Variants in STAU1 observed in about 807,000 individuals in gnomAD.
STAU1 encodes double-stranded RNA-binding protein Staufen homolog 1.
A neutral mutation model predicts 62.9 loss-of-function variants in STAU1; 13 were observed. The observed-to-expected ratio is 0.21, with a 90% CI of 0.13 to 0.33. The LOEUF (loss-of-function observed/expected upper bound fraction) is 0.33. Ranked by LOEUF, STAU1 falls within the 10% of genes least tolerant of loss-of-function variation. The probability of loss-of-function intolerance (pLI) is 1.00; values close to 1 mark genes in which losing one functional copy is unlikely to be tolerated. For missense variants in STAU1, 571 were observed against 712.1 expected (o/e 0.80, Z 2.25); for synonymous variants, 269 against 265.1 (o/e 1.01, Z -0.14).
intron 1 of STAU1, among the ~76,000 whole-genome samples, chr20:49,175,545 T>G (rs1475331279): frequency 1.3e-5 from 2 of 152,094 alleles, no homozygotes; most frequent in African/African-American, 2.4e-5. Flanking sequence ...AGTGGCGTGA[T>G]GTCGGCTCCC....
intron 6 of STAU1, among the ~76,000 whole-genome samples, chr20:49,129,268 C>CT (rs2092698569): frequency 7.3e-6 from 1 of 136,078 alleles, no homozygotes; most frequent in Non-Finnish European, 1.5e-5. Flanking sequence ...GCTAGAATGA[C>CT]TTTAAAAAAA....
At chr20:49,206,751 A>ATATATATTTTTT in the STAU1 span, among the ~76,000 whole-genome samples, 2 of 95,040 alleles carry the variant, frequency 2.1e-5, no homozygotes, top group African/African-American at 4.3e-5. Flanking sequence ...ATATATATAT[A>ATATATATTTTTT]TTTTATTTTA....
intron 8 of STAU1, among the ~76,000 whole-genome samples, chr20:49,121,093 T>C (rs767364907): frequency 4.0e-5 from 6 of 151,580 alleles, no homozygotes; most frequent in Non-Finnish European, 8.8e-5. Context: ...TACTTTCATC[T>C]TACCTATTAA....
chr20:49,151,731 G>A lies in STAU1; in HGVS notation c.361C>T (p.Pro121Ser). 6.2e-7 allele frequency: 1 copy of A among 1,610,652 alleles called. No individual in the cohort carries two copies. Among genetic ancestry groups the A allele is most frequent in the East Asian group, 2.2e-5 (1 of 44,652 alleles). ...AYPPRYFYPFPVPPLLYQVEL... is the reference protein window; with the variant it reads ...AYPPRYFYPFSVPPLLYQVEL... ...ACTTGATAAAGTAAAGGTGGAACTGGAAATGGGTAAAAGTACCTAGAAATA... is the reference window on the plus strand; with the variant it reads ...ACTTGATAAAGTAAAGGTGGAACTGAAAATGGGTAAAAGTACCTAGAAATA... The change falls in exon 5 of 14, where the codon CCA becomes TCA. Residue 121 changes from proline (P) to serine (S), a missense_variant. Pro to Ser is a moderately conservative substitution (Grantham distance 74). Transcript: ENST00000371856.
chr20:49,164,507 T>A (rs987595083), intron 3 of STAU1, among the ~76,000 whole-genome samples: 1 of 150,802 alleles, frequency 6.6e-6, no homozygotes, highest in Non-Finnish European at 1.5e-5. Flanking sequence ...CCCAGGCTGG[T>A]CTCCAACTCC....
the STAU1 span, among the ~76,000 whole-genome samples, chr20:49,209,624 A>G: frequency 6.6e-6 from 1 of 152,052 alleles, no homozygotes; most frequent in Non-Finnish European, 1.5e-5. Flanking sequence ...GATGCCTGTA[A>G]TCCTAGCTAC....
the STAU1 span, among the ~76,000 whole-genome samples, chr20:49,202,486 C>T: frequency 1.3e-5 from 2 of 151,562 alleles, no homozygotes; most frequent in Admixed American, 1.3e-4. Flanking sequence ...CTTGCTTGAA[C>T]CCAGGAGGTG....
intron 1 of STAU1, among the ~76,000 whole-genome samples, chr20:49,185,169 C>T (rs1180979382): frequency 6.6e-6 from 1 of 152,118 alleles, no homozygotes; most frequent in Non-Finnish European, 1.5e-5. Context: ...AATTCTTAAC[C>T]TAAGGTAACA....
At chr20:49,164,504 T>C (rs995051808) in intron 3 of STAU1, among the ~76,000 whole-genome samples, 1 of 151,774 alleles carries the variant, frequency 6.6e-6, no homozygotes, top group Non-Finnish European at 1.5e-5. Context: ...TTGCCCAGGC[T>C]GGTCTCCAAC....
intron 7 of STAU1, 22 bp from the exon 8 acceptor site, chr20:49,123,257 A>T (rs1360768416): frequency 1.9e-6 from 3 of 1,614,080 alleles, no homozygotes. Context: ...ACAAGGCAGA[A>T]ACTCTGTAAT....
chr20:49,116,984 G>A (rs2092342977), intron 12 of STAU1, 142 bp downstream of exon 12: 1 of 1,087,076 alleles, frequency 9.2e-7, no homozygotes, highest in South Asian at 1.6e-5. Context: ...TCAAAAATAT[G>A]AACACTATCA....
intron 6 of STAU1, among the ~76,000 whole-genome samples, chr20:49,126,588 C>CCAAAAAAAAAACAA (rs71337491): frequency 1.8e-5 from 1 of 56,348 alleles, no homozygotes; most frequent in Non-Finnish European, 3.7e-5. Flanking sequence ...AAAAAAAAAA[C>CCAAAAAAAAAACAA]AAAAAAAAAA....
chr20:49,139,156 A>G (rs2092953837), intron 5 of STAU1, among the ~76,000 whole-genome samples: 1 of 152,226 alleles, frequency 6.6e-6, no homozygotes, highest in African/African-American at 2.4e-5. Flanking sequence ...AACATAGGGG[A>G]AAAGTGTTAT....
At chr20:49,143,722 A>G (rs1182347597) in intron 5 of STAU1, among the ~76,000 whole-genome samples, 5 of 152,240 alleles carry the variant, frequency 3.3e-5, no homozygotes, top group African/African-American at 1.2e-4. Flanking sequence ...TTCTATATCT[A>G]AAGTCATTTT....
chr20:49,164,787 A>G (rs2093501038), intron 3 of STAU1, among the ~76,000 whole-genome samples: 1 of 152,098 alleles, frequency 6.6e-6, no homozygotes, highest in East Asian at 1.9e-4. Flanking sequence ...TAAGAAAGGA[A>G]AGAAGAGAAA....
At chr20:49,123,325 G>C in intron 7 of STAU1, 90 bp from the exon 8 acceptor site, 1 of 1,575,622 alleles carries the variant, frequency 6.3e-7, no homozygotes, top group Non-Finnish European at 8.7e-7. Context: ...GGAGATAAGA[G>C]ATTTTGGGTT....
chr20:49,181,766 CAAAAAAAAAA>C (rs758956478), intron 1 of STAU1, among the ~76,000 whole-genome samples: 2 of 24,566 alleles, frequency 8.1e-5, no homozygotes, highest in South Asian at 1.2e-3. Flanking sequence ...ACTATCTCAA[CAAAAAAAAAA>C]AAAAAAAAAA....
At position 49,134,927 on chromosome 20, in the gene STAU1, G is replaced by A. The variant is rs143644584; in HGVS notation, c.609+906C>T. 6.7e-4 allele frequency: 1,075 copies of A among 1,596,544 alleles called. 5 individuals carry two copies. The African/African-American group carries it at 0.012, about 18-fold the overall frequency. ...ACTGAGACTTTGTGAGGAAGTTTTC[G>A]ACCCTAAGAATGATAAACCCAGCAC... is the stretch of plus-strand genomic sequence containing the variant. On this transcript the variant is annotated intron_variant, in intron 6 of 13. Coordinates refer to ENST00000371856, the MANE Select transcript of STAU1 (RefSeq NM_017453.4).
chr20:49,173,233 G>C (rs1315146990), intron 2 of STAU1, among the ~76,000 whole-genome samples: 1 of 151,822 alleles, frequency 6.6e-6, no homozygotes, highest in Non-Finnish European at 1.5e-5. Flanking sequence ...CAAGGTGGGT[G>C]GATCACCTCA....
Sources: gnomAD v4.1 joint callset for allele counts (sites outside exome capture counted in the v4.1 genomes callset) on GRCh38, gnomAD v4.1.1 for gene constraint, MANE v1.5 for transcripts, NCBI Gene and HGNC (gene_info 2026-07-23, HGNC 2026-07-21) for gene names.